SYNE1: variants seen among roughly 807,000 people sequenced by gnomAD.
SYNE1 encodes the protein spectrin repeat containing nuclear envelope protein 1.
Under a neutral mutation model 1,111.0 loss-of-function variants are expected in SYNE1, and 616 were observed. That is an observed-to-expected ratio of 0.55 (90% CI 0.52 to 0.59). The LOEUF (loss-of-function observed/expected upper bound fraction) is 0.59, where lower values mean the gene tolerates loss of function less well. Among genes scored for constraint, SYNE1 ranks in the 20% least tolerant of loss-of-function variants. The probability of loss-of-function intolerance (pLI) is 0.00; values close to 1 mark genes in which losing one functional copy is unlikely to be tolerated. For missense variants in SYNE1, 10,006 were observed against 10,417.0 expected, an observed-to-expected ratio of 0.96 and a Z score of 1.72; for synonymous variants, 3,855 against 3,825.8, an observed-to-expected ratio of 1.01 and a Z score of -0.28.
At chr6:152,380,937 T>TA in intron 56 of SYNE1, 69 bp downstream of exon 56, 1 of 1,498,948 alleles carries the variant, frequency 6.7e-7, no homozygotes, top group South Asian at 1.1e-5. Context: ...ATTTTTTTTT[T>TA]AAGGAATGAT....
chr6:152,633,666 A>T (rs2099701709), intron 2 of SYNE1, among the ~76,000 whole-genome samples: 1 of 121,054 alleles, frequency 8.3e-6, no homozygotes, highest in Non-Finnish European at 1.7e-5. Flanking sequence ...ACTACCTGCT[A>T]TTTGGGATGC....
At chr6:152,356,154 C>T (rs965544652) in intron 66 of SYNE1, among the ~76,000 whole-genome samples, 8 of 151,342 alleles carry the variant, frequency 5.3e-5, no homozygotes, top group African/African-American at 1.7e-4. Context: ...ATCTTGTGGG[C>T]CATAGGTCTC....
At position 152,213,602 on chromosome 6, in the gene SYNE1, T is replaced by C. The variant is rs1226238293; in HGVS notation, c.22494+10A>G. ...TTCTTATTACCCCCAAATCTACTGA[T>C]ACAACTTACCTCGTGTGCTCTCTGC... is the stretch of plus-strand genomic sequence containing the variant. On this transcript the variant is annotated intron_variant, in intron 123 of 145. Transcript: ENST00000367255. The C allele has an allele frequency of 1.2e-6, 2 of 1,613,956 alleles. No individual in the cohort carries two copies. The highest frequency in any genetic ancestry group is 2.2e-5 in the East Asian group (1 of 44,876).
chr6:152,519,417 G>A (rs1176626314), intron 6 of SYNE1, among the ~76,000 whole-genome samples: 1 of 152,116 alleles, frequency 6.6e-6, no homozygotes, highest in Non-Finnish European at 1.5e-5. Flanking sequence ...AAAAGGTACA[G>A]GTGCAAGCCT....
chr6:152,433,416 T>C (rs756180885), intron 34 of SYNE1: 4 of 251,744 alleles, frequency 1.6e-5, no homozygotes, highest in African/African-American at 9.0e-5. Flanking sequence ...ATACTTGAAC[T>C]AGACATTGGG....
intron 145 of SYNE1, chr6:152,129,126 G>A (rs1048466372): frequency 1.3e-5 from 2 of 152,290 alleles, no homozygotes; most frequent in African/African-American, 2.4e-5. Context: ...CCTGTTAGGA[G>A]GCATGAGGAA....
intron 127 of SYNE1, among the ~76,000 whole-genome samples, chr6:152,197,967 C>G (rs1335284662): frequency 6.6e-6 from 1 of 151,742 alleles, no homozygotes; most frequent in Non-Finnish European, 1.5e-5. Flanking sequence ...TTTGATCTAC[C>G]TCTAGCCTGG....
At chr6:152,427,422 C>T (rs140274442) in intron 38 of SYNE1, among the ~76,000 whole-genome samples, 47 of 152,264 alleles carry the variant, frequency 3.1e-4, no homozygotes, top group African/African-American at 1.1e-3. Context: ...TTTGCCAAAC[C>T]ATGTTATTCA....
chr6:152,263,193 C>T (rs547091510), intron 100 of SYNE1, among the ~76,000 whole-genome samples: 21 of 150,246 alleles, frequency 1.4e-4, no homozygotes, highest in Middle Eastern at 7.0e-3. Flanking sequence ...TAGTACAGGG[C>T]GTGGGAAGGT....
intron 11 of SYNE1, among the ~76,000 whole-genome samples, chr6:152,489,182 A>G (rs1196095998): frequency 6.6e-6 from 1 of 152,206 alleles, no homozygotes; most frequent in Non-Finnish European, 1.5e-5. Context: ...CTATAATAGC[A>G]CTGATTTAGT....
At chr6:152,531,602 T>C (rs2099202024) in intron 4 of SYNE1, among the ~76,000 whole-genome samples, 2 of 152,232 alleles carry the variant, frequency 1.3e-5, no homozygotes, top group African/African-American at 4.8e-5. Flanking sequence ...ATCTCCACCA[T>C]TTTCATTTTG....
At chr6:152,471,444 T>A (rs1362815692) in intron 16 of SYNE1, among the ~76,000 whole-genome samples, 153 bp downstream of exon 16, 1 of 152,222 alleles carries the variant, frequency 6.6e-6, no homozygotes, top group Non-Finnish European at 1.5e-5. Context: ...TTCAGATAAT[T>A]CTGAAAAGCT....
chr6:152,433,839 C>T lies in SYNE1; in HGVS notation c.4417G>A (p.Glu1473Lys). ...ATGTCCATGGCAGATGACGAAGTTTCCAAGGCATTGAGTTCTTTTTCTTTC... is the reference window on the plus strand; with the variant it reads ...ATGTCCATGGCAGATGACGAAGTTTTCAAGGCATTGAGTTCTTTTTCTTTC... ...TEKEKELNAL[E>K]TSSSAMDMQI... The change falls in exon 34 of 146, where the codon GAA (glutamate) becomes AAA (lysine). Residue 1473 changes from glutamate to lysine, a missense_variant. Glu to Lys is a moderately conservative substitution (Grantham distance 56, BLOSUM62 1). This residue lies in a region of SYNE1 where 1,971 missense variants were observed against 2,084.1 expected (regional missense o/e 0.95). Coordinates refer to ENST00000367255, the MANE Select transcript of SYNE1 (RefSeq NM_182961.4). 2 of 1,613,852 alleles carry T rather than the reference C, an allele frequency of 1.2e-6. No individual in the cohort carries two copies. Among genetic ancestry groups the T allele is most frequent in the East Asian group, 2.2e-5 (1 of 44,860 alleles).
chr6:152,394,706 G>T (rs7748876), intron 51 of SYNE1, among the ~76,000 whole-genome samples: 5,178 of 151,936 alleles, frequency 0.034, 301 homozygotes, highest in African/African-American at 0.12. Flanking sequence ...GGATGGGTGG[G>T]TGGGAAATGG....
intron 4 of SYNE1, among the ~76,000 whole-genome samples, chr6:152,533,969 G>A (rs982482218): frequency 1.3e-5 from 2 of 152,014 alleles, no homozygotes; most frequent in African/African-American, 4.8e-5. Context: ...GACCAGCCTG[G>A]CCAACATGGT....
chr6:152,545,158 C>T (rs1317378512), intron 3 of SYNE1, among the ~76,000 whole-genome samples: 5 of 152,106 alleles, frequency 3.3e-5, no homozygotes, highest in Admixed American at 2.0e-4. Flanking sequence ...GATATAGCAT[C>T]TCATGTATCA....
intron 100 of SYNE1, among the ~76,000 whole-genome samples, chr6:152,264,603 C>G (rs2153660408): frequency 6.6e-6 from 1 of 152,068 alleles, no homozygotes; most frequent in East Asian, 1.9e-4. Flanking sequence ...TTGAGCCCAG[C>G]CTGGACAACA....
At position 152,334,186 on chromosome 6, in the gene SYNE1, G is replaced by T. The variant is rs1563151643; in HGVS notation, c.12616C>A (p.Pro4206Thr). 3 of 1,614,060 alleles carry T rather than the reference G, an allele frequency of 1.9e-6. No homozygotes were observed. The highest frequency in any genetic ancestry group is 1.7e-6 in the Non-Finnish European group (2 of 1,180,018). The change falls in exon 77 of 146, where the codon CCT becomes ACT. Residue 4206 changes from proline (P) to threonine (T), a missense_variant. Physicochemically the swap from Pro to Thr is conservative, Grantham distance 38. This residue lies in a region of SYNE1 where 4,955 missense variants were observed against 5,017.2 expected (regional missense o/e 0.99). Transcript: ENST00000367255. ...VNKLTKKEES[P>T]EHKEINHLND... ...AAATGATTTATTTCCTTGTGTTCAG[G>T]CGATTCCTCCTTCTTTGTTAACTTA...
chr6:152,148,361 G>A lies in SYNE1; in HGVS notation c.24660C>T (p.His8220=), dbSNP rs150811468. The change falls in exon 137 of 146, where the codon CAC becomes CAT. Residue 8220 remains histidine, a synonymous_variant. Coordinates refer to ENST00000367255, the MANE Select transcript of SYNE1 (RefSeq NM_182961.4). This position sits in a 1 kb window ranked among gnomAD's most constrained non-coding sequence, Gnocchi z 4.1. ...GCTCCAGCTCCCTGTCTGAGAGGTCGTGCTCATCGTCTGGGAGCTAGAAGG... is the reference window on the plus strand; with the variant it reads ...GCTCCAGCTCCCTGTCTGAGAGGTCATGCTCATCGTCTGGGAGCTAGAAGG... The part of the protein sequence containing the change: ...LIRLPLPDDE[H]DLSDRELELE... 3.0e-4 allele frequency: 486 copies of A among 1,613,862 alleles called. 1 individual carries two copies. Among genetic ancestry groups the A allele is most frequent in the Admixed American group, 2.5e-4 (15 of 59,998 alleles).
Sources: allele counts gnomAD v4.1 joint callset (sites outside exome capture counted in the v4.1 genomes callset), GRCh38; gene constraint gnomAD v4.1.1; regional missense constraint gnomAD v4.1.1; non-coding constraint Gnocchi (gnomAD v3.1); transcripts MANE v1.5; gene names NCBI Gene and HGNC (gene_info 2026-07-23, HGNC 2026-07-21).